Variants in PLCE1 observed in about 807,000 individuals in gnomAD.
PLCE1 encodes the protein 1-phosphatidylinositol 4,5-bisphosphate phosphodiesterase epsilon-1.
A neutral mutation model predicts 242.8 loss-of-function variants in PLCE1; 119 were observed. The observed-to-expected ratio is 0.49, with a 90% CI of 0.42 to 0.57. The LOEUF is 0.57. Ranked by LOEUF, PLCE1 falls within the 20% of genes least tolerant of loss-of-function variation. PLCE1 has a pLI of 0.00. For missense variants in PLCE1, 2,441 were observed against 2,788.8 expected, an observed-to-expected ratio of 0.88 and a Z score of 2.81; for synonymous variants, 945 against 1,017.4, an observed-to-expected ratio of 0.93 and a Z score of 1.35.
At chr10:94,080,591 C>A (rs765023261) in intron 2 of PLCE1, among the ~76,000 whole-genome samples, 6 of 152,214 alleles carry the variant, frequency 3.9e-5, no homozygotes, top group Non-Finnish European at 8.8e-5. Flanking sequence ...ATTTTCCAGA[C>A]CTACATTCTT....
intron 2 of PLCE1, chr10:94,104,015 T>C (rs1288123272): frequency 1.3e-5 from 2 of 152,220 alleles, no homozygotes; most frequent in African/African-American, 4.8e-5. Flanking sequence ...GAAGAACAGC[T>C]GATCCTTGTC....
chr10:94,050,528 C>T (rs940139150), intron 2 of PLCE1, among the ~76,000 whole-genome samples: 6 of 152,060 alleles, frequency 3.9e-5, no homozygotes, highest in African/African-American at 1.4e-4. Flanking sequence ...TACTCCACTA[C>T]TTAAGATCCT....
chr10:94,084,897 A>G (rs1259547507), intron 2 of PLCE1, among the ~76,000 whole-genome samples: 2 of 152,234 alleles, frequency 1.3e-5, no homozygotes, highest in Non-Finnish European at 2.9e-5. Context: ...GTTTAATTTT[A>G]TGTACTTTAA....
At chr10:94,002,387 T>C (rs2060948371) in intron 1 of PLCE1, among the ~76,000 whole-genome samples, 3 of 152,140 alleles carry the variant, frequency 2.0e-5, no homozygotes, top group Admixed American at 6.5e-5. Context: ...GTTGCAGGCA[T>C]GCAAGCCCAG....
intron 27 of PLCE1, 26 bp from the exon 28 acceptor site, chr10:94,313,228 G>T (rs772294241): frequency 1.2e-6 from 2 of 1,613,214 alleles, no homozygotes; most frequent in South Asian, 2.2e-5. Flanking sequence ...ACGGATGAAT[G>T]ATCAGCCATG....
At chr10:94,029,712 G>T (rs1461212979) in intron 1 of PLCE1, among the ~76,000 whole-genome samples, 1 of 152,074 alleles carries the variant, frequency 6.6e-6, no homozygotes, top group East Asian at 1.9e-4. Context: ...GGGATTAAGG[G>T]GTAGTTGATG....
intron 2 of PLCE1, among the ~76,000 whole-genome samples, chr10:94,071,495 G>GTTTTTTTTTTTGTTTTTTTTTTT (rs2044352848): frequency 1.2e-5 from 1 of 83,316 alleles, no homozygotes; most frequent in African/African-American, 5.4e-5. Flanking sequence ...TTTGGTTTTC[G>GTTTTTTTTTTTGTTTTTTTTTTT]TTTTTTTTTT....
chr10:94,043,674 G>A (rs1047329351), intron 2 of PLCE1, among the ~76,000 whole-genome samples: 6 of 152,140 alleles, frequency 3.9e-5, no homozygotes, highest in African/African-American at 1.2e-4. Context: ...GTTTATTTGA[G>A]TTCTAAATTG....
At chr10:94,022,674 G>A (rs1319090930) in intron 1 of PLCE1, among the ~76,000 whole-genome samples, 1 of 151,930 alleles carries the variant, frequency 6.6e-6, no homozygotes, top group African/African-American at 2.4e-5. Context: ...ACTGATCAAG[G>A]TAAATGGTTT....
intron 2 of PLCE1, among the ~76,000 whole-genome samples, chr10:94,081,091 T>A (rs2044641820): frequency 6.6e-6 from 1 of 152,234 alleles, no homozygotes; most frequent in Non-Finnish European, 1.5e-5. Context: ...AATATTTAAC[T>A]GATTTCTAGT....
intron 2 of PLCE1, among the ~76,000 whole-genome samples, chr10:94,095,752 G>A (rs1350851410): frequency 6.6e-6 from 1 of 152,180 alleles, no homozygotes; most frequent in African/African-American, 2.4e-5. Context: ...CCCTTAATGG[G>A]TGGTGTCTTC....
intron 16 of PLCE1, among the ~76,000 whole-genome samples, chr10:94,267,868 C>T (rs2051571269): frequency 6.6e-6 from 1 of 152,180 alleles, no homozygotes; most frequent in African/African-American, 2.4e-5. Context: ...TAGCACTTAT[C>T]CCATATAAAA....
At chr10:94,133,112 T>A (rs1175905418) in intron 3 of PLCE1, among the ~76,000 whole-genome samples, 1 of 152,002 alleles carries the variant, frequency 6.6e-6, no homozygotes, top group East Asian at 1.9e-4. Flanking sequence ...AGGAAACAAA[T>A]ATAGTCAAGC....
chr10:94,235,015 A>T (rs937834647), intron 6 of PLCE1, among the ~76,000 whole-genome samples: 11 of 151,242 alleles, frequency 7.3e-5, no homozygotes, highest in Admixed American at 5.9e-4. Flanking sequence ...ACCAAACCCA[A>T]ATCTAGGATC....
At chr10:94,027,997 AGTC>A (rs2134451953) in intron 1 of PLCE1, among the ~76,000 whole-genome samples, 1 of 152,268 alleles carries the variant, frequency 6.6e-6, no homozygotes, top group South Asian at 2.1e-4. Flanking sequence ...TTCTGTAGTC[AGTC>A]TTCTTGGATT....
intron 2 of PLCE1, among the ~76,000 whole-genome samples, chr10:94,072,240 C>T (rs1245461167): frequency 6.6e-6 from 1 of 151,980 alleles, no homozygotes; most frequent in East Asian, 1.9e-4. Context: ...CACCACTTTG[C>T]CTGAATTACC....
At position 94,246,126 on chromosome 10, in the gene PLCE1, C is replaced by T. The variant is rs2050670753; in HGVS notation, c.2601C>T (p.Val867=). 1 of 1,614,140 alleles carries T rather than the reference C, an allele frequency of 6.2e-7. No homozygotes were observed. The highest frequency in any genetic ancestry group is 8.5e-7 in the Non-Finnish European group (1 of 1,180,014). Residue 867 remains valine (V), a synonymous_variant, in exon 8 of 33, where the codon GTC becomes GTT. Transcript: ENST00000371380. ...AGTTCCTGCTGCAGGGGGCCACGGTCATCCACTACGACCAGGACACACACC... is the reference window on the plus strand; with the variant it reads ...AGTTCCTGCTGCAGGGGGCCACGGTTATCCACTACGACCAGGACACACACC... ...VHQFLLQGAT[V]IHYDQDTHLS... is the part of the protein sequence containing the mutation.
Position 94,298,439 on chromosome 10 carries a change from C to T in PLCE1, c.5228C>T (p.Thr1743Met), listed in dbSNP as rs117545428. The change falls in exon 24 of 33, where the codon ACG becomes ATG. Residue 1743 changes from threonine to methionine, a missense_variant. By Grantham distance (81) the Thr-to-Met change is moderately conservative (BLOSUM62 -1). Around this residue, in one of 5 missense-constraint regions of PLCE1, gnomAD observed 1,004 missense variants for 1,322.7 expected, o/e 0.76. Transcript: ENST00000371380. This position sits in a 1 kb window ranked among gnomAD's most constrained non-coding sequence, Gnocchi z 5.2. ...TCTTCTTCCCCTCTCAACCCAACCACGTCCCTCAGTGCTATCATTAGAACT... is the reference window on the plus strand; with the variant it reads ...TCTTCTTCCCCTCTCAACCCAACCATGTCCCTCAGTGCTATCATTAGAACT... ...EESSSPLNPT[T>M]SLSAIIRTPK... The T allele has an allele frequency of 2.8e-5, 45 of 1,614,104 alleles. No homozygotes were observed. In the East Asian group the frequency reaches 8.7e-4, roughly 31 times the overall value.
chr10:94,282,175 G>A (rs746932927), intron 20 of PLCE1, among the ~76,000 whole-genome samples: 1 of 149,064 alleles, frequency 6.7e-6, no homozygotes, highest in Non-Finnish European at 1.5e-5. Context: ...GTTTATCTCT[G>A]TGATCTCTCA....
Sources: allele counts gnomAD v4.1 joint callset (sites outside exome capture counted in the v4.1 genomes callset), GRCh38; gene constraint gnomAD v4.1.1; regional missense constraint gnomAD v4.1.1; non-coding constraint Gnocchi (gnomAD v3.1); transcripts MANE v1.5; gene names NCBI Gene and HGNC (gene_info 2026-07-23, HGNC 2026-07-21).